SERPINC1: variants seen among roughly 807,000 people sequenced by gnomAD.
The protein encoded by SERPINC1 is serpin family C member 1, also known as antithrombin-III.
Under a neutral mutation model 43.4 loss-of-function variants are expected in SERPINC1, and 12 were observed. That is an observed-to-expected ratio of 0.28 (90% CI 0.18 to 0.45). The LOEUF (loss-of-function observed/expected upper bound fraction) is 0.45, where lower values mean the gene tolerates loss of function less well. SERPINC1 is among the 20% of genes least tolerant of loss of function. The probability of loss-of-function intolerance (pLI) is 1.00; values close to 1 mark genes in which losing one functional copy is unlikely to be tolerated. For synonymous variants in SERPINC1, 210 were observed against 218.9 expected (o/e 0.96, Z 0.36); for missense variants, 423 against 578.8 (o/e 0.73, Z 2.76).
At chr1:173,907,660 A>G (rs971190868) in intron 5 of SERPINC1, 146 bp from the exon 6 acceptor site, 2 of 737,458 alleles carry the variant, frequency 2.7e-6, no homozygotes, top group Non-Finnish European at 5.0e-6. Flanking sequence ...TCATACTCTC[A>G]CAATGAATAT....
intron 5 of SERPINC1, 42 bp downstream of exon 5, chr1:173,909,510 C>A (rs756267601): frequency 1.9e-6 from 3 of 1,608,578 alleles, no homozygotes; most frequent in Non-Finnish European, 2.5e-6. Context: ...GGTCAGACTA[C>A]CTTGCGGGTG....
chr1:173,907,111 C>CT (rs1398483020), intron 6 of SERPINC1, among the ~76,000 whole-genome samples: 1 of 145,818 alleles, frequency 6.9e-6, no homozygotes, highest in East Asian at 2.0e-4. Context: ...GAACGAAGCT[C>CT]TGTCTCAAAA....
intron 1 of SERPINC1, chr1:173,915,168 A>G: frequency 1.4e-6 from 2 of 1,391,888 alleles, no homozygotes; most frequent in South Asian, 3.1e-5. Flanking sequence ...TTGGAGTATT[A>G]TGTGCTCAAT....
At position 173,910,681 on chromosome 1, in the gene SERPINC1, A is replaced by G. The variant is rs369959432; in HGVS notation, c.762+73T>C. 23 of 1,517,178 alleles carry G rather than the reference A, an allele frequency of 1.5e-5. No homozygotes were observed. The East Asian group carries it at 2.9e-4, about 19-fold the overall frequency. 94.0% of individuals were successfully genotyped at this position (1,517,178 alleles called of 1,614,324 possible). ...GCCCTCTCAGGGCTTCGGTCTCGCC[A>G]TTTAAAAAAAAAGGGGGTAAGCTGA... is the stretch of plus-strand genomic sequence containing the variant. On this transcript the variant is annotated intron_variant, in intron 4 of 6. Transcript: ENST00000367698.
intron 1 of SERPINC1, 62 bp from the exon 2 acceptor site, chr1:173,914,981 C>T: frequency 6.3e-7 from 1 of 1,579,206 alleles, no homozygotes; most frequent in Non-Finnish European, 8.6e-7. Context: ...CTGCCCACCA[C>T]AGGGTTGCCC....
chr1:173,905,898 CTCAGATTA>C (rs1657482439), intron 6 of SERPINC1, among the ~76,000 whole-genome samples: 1 of 152,174 alleles, frequency 6.6e-6, no homozygotes, highest in South Asian at 2.1e-4. Flanking sequence ...GCATCCTTTT[CTCAGATTA>C]TAACCTTGTG....
chr1:173,912,451 C>T (rs559552596), intron 2 of SERPINC1, among the ~76,000 whole-genome samples: 6 of 152,244 alleles, frequency 3.9e-5, no homozygotes, highest in Non-Finnish European at 8.8e-5. Context: ...GTGAATCTAT[C>T]AGCAAGGGAT....
rs139866144 is a variant in SERPINC1 at position 173,904,740 on chromosome 1, C to T, written c.1219-675G>A. On this transcript the variant is annotated intron_variant, in intron 6 of 6. Coordinates refer to ENST00000367698, the MANE Select transcript of SERPINC1 (RefSeq NM_000488.4). ...GTGGAGCTGGTTGATGATGTCTTCT[C>T]CTTCCTTCTCACTCTTCCTTCCCCT... Among the ~76,000 whole-genome samples the T allele has an allele frequency of 3.9e-5, 6 of 152,290 alleles. No individual in the cohort carries two copies. The East Asian group carries it at 9.7e-4, about 25-fold the overall frequency.
chr1:173,911,159 G>T (rs1657755460), intron 3 of SERPINC1, among the ~76,000 whole-genome samples: 1 of 152,160 alleles, frequency 6.6e-6, no homozygotes, highest in Non-Finnish European at 1.5e-5. Flanking sequence ...AAAATAGTCT[G>T]GGAAAAAGAA....
chr1:173,904,800 C>G (rs1657421500), intron 6 of SERPINC1, among the ~76,000 whole-genome samples: 1 of 152,122 alleles, frequency 6.6e-6, no homozygotes, highest in Non-Finnish European at 1.5e-5. Flanking sequence ...CGCTATCTCC[C>G]CATATTACCT....
Position 173,914,911 on chromosome 1 carries a change from T to C in SERPINC1, c.50A>G (p.Tyr17Cys), listed in dbSNP as rs780733720. ...GTVTSGKRKVYLLSLLLIGFW... is the reference protein window; with the variant it reads ...GTVTSGKRKVCLLSLLLIGFW... ...GCCAATGAGCAGCAAGGACAAAAGA[T>C]AAACCTTCCTGCAAGGAGACAAAAT... is the stretch of plus-strand genomic sequence containing the variant. The change falls in exon 2 of 7, where the codon TAT becomes TGT. Residue 17 changes from tyrosine to cysteine, a missense_variant. Physicochemically the swap from Tyr to Cys is radical, Grantham distance 194. Transcript: ENST00000367698. 6 of 1,613,510 alleles carry C rather than the reference T, an allele frequency of 3.7e-6. No individual in the cohort carries two copies. Among genetic ancestry groups the C allele is most frequent in the Non-Finnish European group, 5.1e-6 (6 of 1,180,038 alleles).
intron 2 of SERPINC1, among the ~76,000 whole-genome samples, chr1:173,912,228 G>T (rs1422789381): frequency 1.3e-5 from 2 of 152,204 alleles, no homozygotes; most frequent in East Asian, 1.9e-4. Context: ...AAGGGAAAAA[G>T]AGAGACTAGG....
intron 3 of SERPINC1, 55 bp downstream of exon 3, chr1:173,911,744 A>T: frequency 7.3e-7 from 1 of 1,378,696 alleles, no homozygotes; most frequent in African/African-American, 1.4e-5. Context: ...CCACCTCCTC[A>T]ATCTCTGAGT....
intron 4 of SERPINC1, among the ~76,000 whole-genome samples, 173 bp from the exon 5 acceptor site, chr1:173,910,115 AG>A (rs1198626868): frequency 6.6e-6 from 1 of 152,234 alleles, no homozygotes; most frequent in Non-Finnish European, 1.5e-5. Flanking sequence ...AATTATGAGT[AG>A]GTTTATTCAT....
In SERPINC1 at chr1:173,911,981, A is replaced by G. The variant is rs121909569; in HGVS notation, c.442T>C (p.Ser148Pro). ...GCAAAGAAGAAGTGGATCTGATCAG[A>G]TGTTTTCTCAGATATGGTGTCAAAC... is the stretch of plus-strand genomic sequence containing the variant. Reference protein sequence around the residue: ...FKFDTISEKTSDQIHFFFAKL... With the variant: ...FKFDTISEKTPDQIHFFFAKL... The change falls in exon 3 of 7, where the codon TCT (serine) becomes CCT (proline). Residue 148 changes from serine (S) to proline (P), a missense_variant. Ser to Pro is a moderately conservative substitution (Grantham distance 74). Transcript: ENST00000367698. 6.2e-6 allele frequency: 10 copies of G among 1,613,976 alleles called. No individual in the cohort carries two copies. In the East Asian group the frequency reaches 8.9e-5, roughly 14 times the overall value.
At chr1:173,912,742 C>T (rs895253024) in intron 2 of SERPINC1, among the ~76,000 whole-genome samples, 1 of 152,102 alleles carries the variant, frequency 6.6e-6, no homozygotes, top group East Asian at 1.9e-4. Flanking sequence ...TCTCTCTTTT[C>T]TCCAGAGAGA....
At chr1:173,910,064 T>G (rs1300225544) in intron 4 of SERPINC1, 122 bp from the exon 5 acceptor site, 2 of 979,010 alleles carry the variant, frequency 2.0e-6, no homozygotes, top group African/African-American at 1.6e-5. Flanking sequence ...ACTGGCGGGA[T>G]ATGCACAAAA....
chr1:173,915,067 C>G, intron 1 of SERPINC1, 148 bp from the exon 2 acceptor site: 1 of 1,516,036 alleles, frequency 6.6e-7, no homozygotes, highest in Non-Finnish European at 8.8e-7. Flanking sequence ...GTACAGGGGC[C>G]CGGGACAGGT....
At chr1:173,910,006 A>T in intron 4 of SERPINC1, 64 bp from the exon 5 acceptor site, 1 of 1,483,174 alleles carries the variant, frequency 6.7e-7, no homozygotes, top group South Asian at 1.1e-5. Context: ...GACACAAGAC[A>T]TATCCATATT....
Sources: gnomAD v4.1 joint callset for allele counts (sites outside exome capture counted in the v4.1 genomes callset) on GRCh38, gnomAD v4.1.1 for gene constraint, MANE v1.5 for transcripts, NCBI Gene and HGNC (gene_info 2026-07-23, HGNC 2026-07-21) for gene names.